Variants in PLCB4 observed in about 807,000 individuals in gnomAD.
The protein encoded by PLCB4 is 1-phosphatidylinositol 4,5-bisphosphate phosphodiesterase beta-4.
A neutral mutation model predicts 178.8 loss-of-function variants in PLCB4; 77 were observed. The ratio of observed to expected loss-of-function variants is 0.43; its 90% confidence interval spans 0.36 to 0.52. The LOEUF (loss-of-function observed/expected upper bound fraction) is 0.52. Among genes scored for constraint, PLCB4 ranks in the 20% least tolerant of loss-of-function variants. PLCB4 has a pLI of 0.00. For synonymous variants in PLCB4, 496 were observed against 490.8 expected (o/e 1.01, Z -0.14); for missense variants, 1,024 against 1,453.4 (o/e 0.70, Z 4.80).
chr20:9,320,260 A>G (rs1379372198), intron 4 of PLCB4, among the ~76,000 whole-genome samples: 2 of 152,150 alleles, frequency 1.3e-5, no homozygotes, highest in African/African-American at 4.8e-5. Context: ...TTTTTAGACT[A>G]TATAGGGTAA....
intron 30 of PLCB4, among the ~76,000 whole-genome samples, chr20:9,442,008 A>T (rs760098257): frequency 1.3e-5 from 2 of 152,080 alleles, no homozygotes; most frequent in Non-Finnish European, 2.9e-5. Flanking sequence ...ATTGTTAAGG[A>T]ACTATGCTGA....
chr20:9,351,646 C>T (rs1395952129), intron 7 of PLCB4, among the ~76,000 whole-genome samples: 6 of 152,106 alleles, frequency 3.9e-5, no homozygotes, highest in African/African-American at 1.4e-4. Context: ...CTCAAGCCCA[C>T]CGATTTAGAT....
At chr20:9,409,025 T>C (rs1304544720) in intron 23 of PLCB4, 32 bp from the exon 24 acceptor site, 1 of 1,601,502 alleles carries the variant, frequency 6.2e-7, no homozygotes, top group Non-Finnish European at 8.5e-7. Flanking sequence ...GCTGTAGGAC[T>C]CTTTTTTTCT....
intron 2 of PLCB4, among the ~76,000 whole-genome samples, chr20:9,108,459 C>T (rs1206909192): frequency 6.6e-6 from 1 of 152,012 alleles, no homozygotes; most frequent in Non-Finnish European, 1.5e-5. Context: ...GAGGATTAAT[C>T]AGAGGGGCTG....
chr20:9,370,463 A>G (rs1237964696), intron 9 of PLCB4, among the ~76,000 whole-genome samples: 1 of 152,114 alleles, frequency 6.6e-6, no homozygotes, highest in East Asian at 1.9e-4. Context: ...GAAGGCATGG[A>G]TTGAGTTGTA....
intron 2 of PLCB4, among the ~76,000 whole-genome samples, chr20:9,129,543 C>T (rs375273921): frequency 8.1e-4 from 123 of 152,154 alleles, no homozygotes; most frequent in African/African-American, 2.6e-3. Context: ...TTAAGGTATG[C>T]CTAAAGGAGA....
chr20:9,169,585 TAATAAATA>T (rs11473517), intron 2 of PLCB4, among the ~76,000 whole-genome samples: 4,678 of 144,460 alleles, frequency 0.032, 242 homozygotes, highest in African/African-American at 0.11. Flanking sequence ...CAAGACTGTC[TAATAAATA>T]AATAAATAAA....
chr20:9,309,017 T>C (rs2094801178), intron 4 of PLCB4, among the ~76,000 whole-genome samples: 1 of 152,158 alleles, frequency 6.6e-6, no homozygotes, highest in South Asian at 2.1e-4. Context: ...GTTTTTCTTT[T>C]TTTTCTCTCT....
At chr20:9,074,990 A>G (rs2089778941) in intron 1 of PLCB4, among the ~76,000 whole-genome samples, 1 of 152,138 alleles carries the variant, frequency 6.6e-6, no homozygotes, top group Non-Finnish European at 1.5e-5. Flanking sequence ...TGCTTTACAT[A>G]GTATTATAAT....
intron 4 of PLCB4, among the ~76,000 whole-genome samples, chr20:9,326,436 T>C (rs1424920501): frequency 6.6e-6 from 1 of 152,162 alleles, no homozygotes; most frequent in East Asian, 1.9e-4. Flanking sequence ...ATGAGCACTT[T>C]AAATGCTCAT....
At chr20:9,236,804 T>C (rs538929615) in intron 3 of PLCB4, among the ~76,000 whole-genome samples, 1 of 152,320 alleles carries the variant, frequency 6.6e-6, no homozygotes, top group Non-Finnish European at 1.5e-5. Flanking sequence ...CAAAGGCAGC[T>C]TAGGTTATGT....
At chr20:9,360,628 G>T (rs6086857) in intron 7 of PLCB4, among the ~76,000 whole-genome samples, 2,051 of 152,206 alleles carry the variant, frequency 0.013, 16 homozygotes, top group Non-Finnish European at 0.021. Flanking sequence ...GTGGGCCTGT[G>T]GTTTGTTAGG....
At chr20:9,441,390 G>C (rs1024198054) in intron 30 of PLCB4, among the ~76,000 whole-genome samples, 7 of 152,192 alleles carry the variant, frequency 4.6e-5, no homozygotes, top group Admixed American at 4.6e-4. Context: ...GATGTCATTT[G>C]AGAAAGCAAG....
intron 3 of PLCB4, among the ~76,000 whole-genome samples, chr20:9,259,902 AAT>A (rs1312273993): frequency 1.3e-5 from 2 of 152,130 alleles, no homozygotes; most frequent in African/African-American, 4.8e-5. Context: ...TTAATTTATT[AAT>A]ATTAATTTTA....
chr20:9,221,666 A>C (rs994607359), intron 3 of PLCB4, among the ~76,000 whole-genome samples: 2 of 152,224 alleles, frequency 1.3e-5, no homozygotes, highest in Non-Finnish European at 2.9e-5. Flanking sequence ...GCTAAGTCCT[A>C]AAGTAATTGC....
intron 4 of PLCB4, among the ~76,000 whole-genome samples, chr20:9,311,529 C>A (rs6056523): frequency 0.35 from 53,336 of 152,000 alleles, 14,043 homozygotes; most frequent in African/African-American, 0.74. Context: ...ATCAAGATTC[C>A]TGTTCCTGTT....
intron 2 of PLCB4, among the ~76,000 whole-genome samples, chr20:9,170,996 C>A (rs1019302201): frequency 6.6e-6 from 1 of 152,192 alleles, no homozygotes; most frequent in African/African-American, 2.4e-5. Context: ...ACATTGAGTT[C>A]TTTGACGGTA....
At chr20:9,125,498 A>T (rs188256642) in intron 2 of PLCB4, among the ~76,000 whole-genome samples, 2 of 152,292 alleles carry the variant, frequency 1.3e-5, no homozygotes, top group Admixed American at 1.3e-4. Flanking sequence ...TTTCCAATGT[A>T]TAACTTGGCA....
intron 3 of PLCB4, among the ~76,000 whole-genome samples, chr20:9,245,699 T>G (rs2094117549): frequency 6.6e-6 from 1 of 151,132 alleles, no homozygotes; most frequent in South Asian, 2.1e-4. Context: ...TTTTGTACTT[T>G]TGGTCTACAG....
Sources: gnomAD v4.1 joint callset for allele counts (sites outside exome capture counted in the v4.1 genomes callset) on GRCh38, gnomAD v4.1.1 for gene constraint, MANE v1.5 for transcripts, NCBI Gene and HGNC (gene_info 2026-07-23, HGNC 2026-07-21) for gene names.